MDGA2: variants seen among roughly 807,000 people sequenced by gnomAD.
The protein encoded by MDGA2 is MAM domain-containing glycosylphosphatidylinositol anchor protein 2.
MDGA2 carries 40 observed loss-of-function variants against 117.8 expected under a neutral mutation model. That is an observed-to-expected ratio of 0.34 (90% confidence interval 0.26 to 0.44). The LOEUF (loss-of-function observed/expected upper bound fraction) is 0.44. Ranked by LOEUF, MDGA2 falls within the 20% of genes least tolerant of loss-of-function variation. MDGA2 has a pLI of 1.00. For missense variants in MDGA2, 1,123 were observed against 1,250.6 expected, an observed-to-expected ratio of 0.90 and a Z score of 1.54; for synonymous variants, 452 against 439.0, an observed-to-expected ratio of 1.03 and a Z score of -0.37.
intron 2 of MDGA2, among the ~76,000 whole-genome samples, chr14:47,278,358 G>C (rs1888372494): frequency 6.6e-6 from 1 of 151,358 alleles, no homozygotes; most frequent in Non-Finnish European, 1.5e-5. Context: ...TACATACAAT[G>C]TATAGTGATC....
Position 47,328,390 on chromosome 14 carries a change from G to A in MDGA2, c.281-26840C>T, listed in dbSNP as rs986961668. On this transcript the variant is annotated intron_variant, in intron 1 of 16. Transcript: ENST00000399232. Reference sequence around the variant, plus strand: ...GTACAAAAAAGAAGTGTTTGGAGAAGAAAACTACATATTAAAGAACCTATT... The same window carrying A: ...GTACAAAAAAGAAGTGTTTGGAGAAAAAAACTACATATTAAAGAACCTATT... Among the ~76,000 whole-genome samples, 11 of 152,232 alleles carry A rather than the reference G, an allele frequency of 7.2e-5. No individual in the cohort carries two copies. In the East Asian group the frequency reaches 1.7e-3, roughly 24 times the overall value.
At chr14:47,617,855 T>G (rs1896975171) in intron 1 of MDGA2, among the ~76,000 whole-genome samples, 1 of 152,158 alleles carries the variant, frequency 6.6e-6, no homozygotes, top group African/African-American at 2.4e-5. Flanking sequence ...GTGGGTAAAT[T>G]CATGTTCACT....
intron 7 of MDGA2, among the ~76,000 whole-genome samples, chr14:47,050,529 T>A (rs1889421215): frequency 6.6e-6 from 1 of 152,000 alleles, no homozygotes; most frequent in African/African-American, 2.4e-5. Context: ...TACACTGAAA[T>A]AAGAGTTGAA....
At chr14:47,084,509 A>G (rs954511441) in intron 6 of MDGA2, among the ~76,000 whole-genome samples, 1 of 152,088 alleles carries the variant, frequency 6.6e-6, no homozygotes, top group Non-Finnish European at 1.5e-5. Context: ...AAAAAAAAAA[A>G]AAAAACTGAC....
intron 1 of MDGA2, among the ~76,000 whole-genome samples, chr14:47,664,268 C>A (rs1459171248): frequency 6.6e-6 from 1 of 152,126 alleles, no homozygotes; most frequent in Non-Finnish European, 1.5e-5. Flanking sequence ...ACTGACACAA[C>A]CAGAATATTT....
chr14:46,928,774 T>C (rs1884427363), intron 9 of MDGA2, among the ~76,000 whole-genome samples: 1 of 152,194 alleles, frequency 6.6e-6, no homozygotes, highest in African/African-American at 2.4e-5. Context: ...AGTAACTCTT[T>C]GTTCTATGAT....
intron 1 of MDGA2, among the ~76,000 whole-genome samples, chr14:47,411,701 A>G (rs1892375572): frequency 6.6e-6 from 1 of 152,156 alleles, no homozygotes; most frequent in South Asian, 2.1e-4. Flanking sequence ...GTTAGCATTA[A>G]CCTATGTGTA....
chr14:47,038,979 A>G (rs189754876), intron 7 of MDGA2, among the ~76,000 whole-genome samples: 242 of 152,004 alleles, frequency 1.6e-3, no homozygotes, highest in African/African-American at 5.6e-3. Context: ...TTTTAAATCT[A>G]GAAGTCAGGG....
At chr14:46,925,502 G>C (rs961584176) in intron 9 of MDGA2, among the ~76,000 whole-genome samples, 6 of 151,472 alleles carry the variant, frequency 4.0e-5, no homozygotes, top group African/African-American at 1.5e-4. Context: ...AGTGGTGGCA[G>C]GCACCAGTAA....
intron 2 of MDGA2, among the ~76,000 whole-genome samples, chr14:47,265,636 A>AT (rs1354905389): frequency 4.9e-5 from 7 of 141,430 alleles, no homozygotes; most frequent in Middle Eastern, 3.5e-3. Flanking sequence ...TTGGGAATGC[A>AT]TTAAAAAAAA....
chr14:46,888,361 C>T (rs1329674107), intron 10 of MDGA2, among the ~76,000 whole-genome samples: 3 of 151,846 alleles, frequency 2.0e-5, no homozygotes, highest in Admixed American at 6.6e-5. Flanking sequence ...CCAGATCATA[C>T]TTATAAGCAT....
At chr14:47,359,100 A>C (rs544328144) in intron 1 of MDGA2, among the ~76,000 whole-genome samples, 1 of 152,352 alleles carries the variant, frequency 6.6e-6, no homozygotes, top group Admixed American at 6.5e-5. Context: ...TCACGCCTGT[A>C]ATCCCAGCAC....
At chr14:46,987,071 A>G (rs1324405780) in intron 8 of MDGA2, among the ~76,000 whole-genome samples, 2 of 152,106 alleles carry the variant, frequency 1.3e-5, no homozygotes, top group South Asian at 2.1e-4. Flanking sequence ...ATTGGTAGTA[A>G]TAACAGTTCA....
intron 2 of MDGA2, among the ~76,000 whole-genome samples, chr14:47,223,641 G>A (rs958110439): frequency 1.3e-5 from 2 of 152,106 alleles, no homozygotes; most frequent in African/African-American, 4.8e-5. Flanking sequence ...CTTAACTCTG[G>A]AAAAACAGAA....
At chr14:47,282,701 A>AAAAAAAC (rs536420811) in intron 2 of MDGA2, among the ~76,000 whole-genome samples, 9 of 150,762 alleles carry the variant, frequency 6.0e-5, no homozygotes, top group Non-Finnish European at 1.3e-4. Context: ...TGTCTCAAAA[A>AAAAAAAC]AAAAAACAAA....
intron 9 of MDGA2, among the ~76,000 whole-genome samples, chr14:46,954,591 C>T (rs1227487074): frequency 2.0e-5 from 3 of 151,932 alleles, no homozygotes; most frequent in Non-Finnish European, 2.9e-5. Flanking sequence ...CATTACTGCA[C>T]ACTCACATTG....
intron 6 of MDGA2, among the ~76,000 whole-genome samples, chr14:47,071,579 T>G (rs752523916): frequency 6.6e-6 from 1 of 151,786 alleles, no homozygotes; most frequent in Non-Finnish European, 1.5e-5. Flanking sequence ...AATGAGAAAA[T>G]TCTATCAAAC....
rs886137295 is a variant in MDGA2 at position 47,299,771 on chromosome 14, CT to C, written c.420+1639del. Among the ~76,000 whole-genome samples the C allele has an allele frequency of 1.8e-3, 276 of 151,954 alleles. 3 individuals are homozygous for C. Among genetic ancestry groups the C allele is most frequent in the African/African-American group, 6.4e-3 (267 of 41,474 alleles). ...GTCCTTGTATGTTGTCTTTTGGAAT[CT>C]TTTTTTTCTATCAAGCGTAATTATC... On this transcript the variant is annotated intron_variant, in intron 2 of 16. Coordinates refer to ENST00000399232, the MANE Select transcript of MDGA2 (RefSeq NM_001113498.3).
At chr14:47,195,777 G>T (rs1885268446) in intron 3 of MDGA2, among the ~76,000 whole-genome samples, 1 of 151,990 alleles carries the variant, frequency 6.6e-6, no homozygotes, top group Admixed American at 6.5e-5. Context: ...TCAATCTGTG[G>T]ATAACATCTT....
Sources: gnomAD v4.1 joint callset for allele counts (sites outside exome capture counted in the v4.1 genomes callset) on GRCh38, gnomAD v4.1.1 for gene constraint, MANE v1.5 for transcripts, NCBI Gene and HGNC (gene_info 2026-07-23, HGNC 2026-07-21) for gene names.